Variants in WWOX observed in about 807,000 individuals in gnomAD.
The protein encoded by WWOX is WW domain containing oxidoreductase, also known as WW domain-containing oxidoreductase.
Under a neutral mutation model 46.2 loss-of-function variants are expected in WWOX, and 69 were observed. The ratio of observed to expected loss-of-function variants is 1.49; its 90% CI spans 1.23 to 1.82. The LOEUF (loss-of-function observed/expected upper bound fraction) is 1.82. Ranked by LOEUF, WWOX falls within the 40% of genes most tolerant of loss-of-function variation. The pLI is 0.00. For missense variants in WWOX, 919 were observed against 542.6 expected (o/e 1.69, Z -6.89); for synonymous variants, 359 against 202.6 (o/e 1.77, Z -6.56).
intron 5 of WWOX, among the ~76,000 whole-genome samples, chr16:78,293,964 G>C (rs2079900081): frequency 9.1e-6 from 1 of 110,298 alleles, no homozygotes; most frequent in Non-Finnish European, 1.7e-5. Context: ...GCGACAGAGT[G>C]AGACTCTGTC....
intron 8 of WWOX, among the ~76,000 whole-genome samples, chr16:78,454,283 ATC>A (rs1371726661): frequency 3.3e-5 from 5 of 152,148 alleles, no homozygotes; most frequent in African/African-American, 4.8e-5. Context: ...CTAAAACAGC[ATC>A]TCTCAAACTT....
intron 8 of WWOX, among the ~76,000 whole-genome samples, chr16:78,494,773 C>A (rs571028726): frequency 6.6e-6 from 1 of 152,156 alleles, no homozygotes; most frequent in East Asian, 1.9e-4. Context: ...GCTCCTCCCC[C>A]CATCTTTATG....
At chr16:78,311,019 C>G (rs934324992) in intron 5 of WWOX, among the ~76,000 whole-genome samples, 4 of 152,184 alleles carry the variant, frequency 2.6e-5, no homozygotes, top group African/African-American at 9.7e-5. Context: ...TTTCAAACAC[C>G]TAGTGCACTG....
chr16:78,962,244 C>T (rs1457569023), intron 8 of WWOX, among the ~76,000 whole-genome samples: 1 of 146,738 alleles, frequency 6.8e-6, no homozygotes, highest in Non-Finnish European at 1.5e-5. Context: ...TCTTTTTTCT[C>T]TATCCCATTA....
chr16:78,651,406 G>T (rs139674736), intron 8 of WWOX, among the ~76,000 whole-genome samples: 3 of 152,344 alleles, frequency 2.0e-5, no homozygotes, highest in Non-Finnish European at 4.4e-5. Context: ...CAGCTATTCA[G>T]TGTTTTACTC....
chr16:78,160,275 G>C (rs1027043596), intron 4 of WWOX, among the ~76,000 whole-genome samples: 13 of 151,790 alleles, frequency 8.6e-5, no homozygotes, highest in African/African-American at 2.9e-4. Context: ...TGGGACCACA[G>C]GTGTGCACCA....
chr16:78,604,053 A>G (rs1597334750), intron 8 of WWOX, among the ~76,000 whole-genome samples: 3 of 152,198 alleles, frequency 2.0e-5, no homozygotes, highest in South Asian at 4.1e-4. Context: ...CTGAGGCGGT[A>G]GGATCGCTTG....
At position 78,155,582 on chromosome 16, in the gene WWOX, T is replaced by C. The variant is rs138449166; in HGVS notation, c.410-8601T>C. Among the ~76,000 whole-genome samples, 280 of 152,340 alleles carry C rather than the reference T, an allele frequency of 1.8e-3. 2 individuals carry two copies. Among genetic ancestry groups the C allele is most frequent in the African/African-American group, 6.5e-3 (272 of 41,576 alleles). On this transcript the variant is annotated intron_variant, in intron 4 of 8. Transcript: ENST00000566780. Reference sequence around the variant, plus strand: ...TGATGCTGTTCATTGCTTTAAAACGTCTTTCTTTATTTTCTTGGTATTATT... The same window carrying C: ...TGATGCTGTTCATTGCTTTAAAACGCCTTTCTTTATTTTCTTGGTATTATT...
At chr16:78,923,802 T>TG (rs2151272918) in intron 8 of WWOX, among the ~76,000 whole-genome samples, 1 of 142,034 alleles carries the variant, frequency 7.0e-6, no homozygotes, top group South Asian at 2.4e-4. Context: ...TAGTTTTTTT[T>TG]TTTTTTTTTT....
At chr16:78,689,054 G>C (rs994120897) in intron 8 of WWOX, among the ~76,000 whole-genome samples, 1 of 152,092 alleles carries the variant, frequency 6.6e-6, no homozygotes, top group Non-Finnish European at 1.5e-5. Context: ...TCTCTTTGCT[G>C]TATAAATTAC....
At chr16:78,358,706 A>G (rs1208610458) in intron 5 of WWOX, among the ~76,000 whole-genome samples, 1 of 151,890 alleles carries the variant, frequency 6.6e-6, no homozygotes, top group Non-Finnish European at 1.5e-5. Flanking sequence ...ATGTACATGA[A>G]TTATATACAA....
chr16:78,917,404 A>G (rs1363006972), intron 8 of WWOX, among the ~76,000 whole-genome samples: 1 of 152,066 alleles, frequency 6.6e-6, no homozygotes, highest in Non-Finnish European at 1.5e-5. Flanking sequence ...AGTCAGTGGG[A>G]GCCACTGACC....
At chr16:78,748,680 T>C (rs974449711) in intron 8 of WWOX, among the ~76,000 whole-genome samples, 1 of 152,218 alleles carries the variant, frequency 6.6e-6, no homozygotes, top group African/African-American at 2.4e-5. Context: ...AAAGTGCTTA[T>C]TTGAGGTGCT....
At chr16:78,529,463 T>G (rs1219106225) in intron 8 of WWOX, among the ~76,000 whole-genome samples, 1 of 151,092 alleles carries the variant, frequency 6.6e-6, no homozygotes, top group Non-Finnish European at 1.5e-5. Context: ...TCTCAGAATG[T>G]TTTTCGTTTT....
intron 5 of WWOX, among the ~76,000 whole-genome samples, chr16:78,326,808 A>G (rs1173632565): frequency 6.6e-6 from 1 of 152,160 alleles, no homozygotes; most frequent in Non-Finnish European, 1.5e-5. Context: ...TTAATTGTCA[A>G]AACATGCTTA....
chr16:79,070,568 C>G (rs1211356417), intron 8 of WWOX, among the ~76,000 whole-genome samples: 1 of 152,122 alleles, frequency 6.6e-6, no homozygotes, highest in Non-Finnish European at 1.5e-5. Context: ...ATGAGTGAGG[C>G]AGACGGGCAG....
intron 8 of WWOX, among the ~76,000 whole-genome samples, chr16:78,455,214 CAT>C (rs946003383): frequency 6.6e-5 from 10 of 152,154 alleles, no homozygotes; most frequent in African/African-American, 2.2e-4. Flanking sequence ...CGGAGGCAAA[CAT>C]GTTGACACAA....
chr16:78,179,700 A>G (rs1011503628), intron 5 of WWOX: 1 of 152,198 alleles, frequency 6.6e-6, no homozygotes, highest in Non-Finnish European at 1.5e-5. Flanking sequence ...TATGAATCCT[A>G]TTTTCAGATG....
chr16:78,437,390 CT>C (rs1208096378), intron 8 of WWOX, among the ~76,000 whole-genome samples: 3 of 152,150 alleles, frequency 2.0e-5, no homozygotes, highest in Non-Finnish European at 4.4e-5. Context: ...TGTGATCTGT[CT>C]TTTAAATGTT....
Sources: gnomAD v4.1 joint callset for allele counts (sites outside exome capture counted in the v4.1 genomes callset) on GRCh38, gnomAD v4.1.1 for gene constraint, MANE v1.5 for transcripts, NCBI Gene and HGNC (gene_info 2026-07-23, HGNC 2026-07-21) for gene names.